DNAH2: variants seen among roughly 807,000 people sequenced by gnomAD.
DNAH2 encodes the protein dynein axonemal heavy chain 2.
Under a neutral mutation model 523.5 loss-of-function variants are expected in DNAH2, and 323 were observed. The observed-to-expected ratio is 0.62, with a 90% confidence interval of 0.56 to 0.68. DNAH2 has a LOEUF of 0.68. Among genes scored for constraint, DNAH2 ranks in the 30% least tolerant of loss-of-function variants. DNAH2 has a pLI of 0.00. For missense variants in DNAH2, 4,907 were observed against 5,701.5 expected, an observed-to-expected ratio of 0.86 and a Z score of 4.49; for synonymous variants, 2,093 against 2,177.4, an observed-to-expected ratio of 0.96 and a Z score of 1.08.
Position 7,776,841 on chromosome 17 carries a change from G to A in DNAH2, c.5010G>A (p.Ala1670=), listed in dbSNP as rs62059684. ...ATGTCACCAAGTGCCTGCTGACAGC[G>A]AAGGAGCGGGCAGACAAGAAAATCC... ...TADVTKCLLT[A]KERADKKILK... Residue 1670 remains alanine, a synonymous_variant, in exon 32 of 86, where the codon GCG becomes GCA. Transcript: ENST00000572933. 0.29 allele frequency: 474,940 copies of A among 1,612,050 alleles called. 77,694 individuals carry two copies. The highest frequency in any genetic ancestry group is 0.34 in the Non-Finnish European group (398,615 of 1,178,682).
rs746422548 is a variant in DNAH2 at position 7,816,553 on chromosome 17, T to C, written c.9730-18T>C. ...TGCGAGCCCTGTGTTTGATGCGCTATACTCGAATCTCTCCCAGGTAGCTGA... is the reference window on the plus strand; with the variant it reads ...TGCGAGCCCTGTGTTTGATGCGCTACACTCGAATCTCTCCCAGGTAGCTGA... On this transcript the variant is annotated intron_variant, in intron 63 of 85. Transcript: ENST00000572933. The C allele has an allele frequency of 1.2e-6, 2 of 1,614,090 alleles. No homozygotes were observed. The highest frequency in any genetic ancestry group is 1.7e-5 in the Admixed American group (1 of 60,020).
In DNAH2 at chr17:7,797,482, GA is replaced by G; in HGVS notation, c.8033del (p.Asp2678AlafsTer20). 6.2e-7 allele frequency: 1 copy of G among 1,614,108 alleles called. No homozygotes were observed. Among genetic ancestry groups the G allele is most frequent in the South Asian group, 1.1e-5 (1 of 91,068 alleles). On this transcript the variant is annotated frameshift_variant, in exon 52 of 86. Coordinates refer to ENST00000572933, the MANE Select transcript of DNAH2 (RefSeq NM_020877.5). LOFTEE classifies it high-confidence loss of function. ...IISDKLGSFF[D>X]LTFHHLCPSK... ...AAGCGACAAGCTCGGCTCCTTCTTT[GA>G]CCTCACATTTCATCATCTCTGTCCC...
Position 7,818,955 on chromosome 17 carries a change from T to C in DNAH2, c.10707T>C (p.Asp3569=), listed in dbSNP as rs1416181118. 6.2e-7 allele frequency: 1 copy of C among 1,612,624 alleles called. No individual in the cohort carries two copies. Among genetic ancestry groups the C allele is most frequent in the Non-Finnish European group, 8.5e-7 (1 of 1,179,900 alleles). ...LNEATGSLLD[D]VQLVNTLHTS... Reference sequence around the variant, plus strand: ...AGGCCACCGGCTCCCTGCTGGATGATGTGCAGCTGGTGAACACGCTGCATA... The same window carrying C: ...AGGCCACCGGCTCCCTGCTGGATGACGTGCAGCTGGTGAACACGCTGCATA... The change falls in exon 71 of 86, where the codon GAT becomes GAC. Residue 3569 remains aspartate (D), a synonymous_variant. Transcript: ENST00000572933.
chr17:7,748,160 A>G (rs907474875), intron 12 of DNAH2, among the ~76,000 whole-genome samples: 2 of 152,174 alleles, frequency 1.3e-5, no homozygotes, highest in Admixed American at 1.3e-4. Flanking sequence ...GGCTTTTATC[A>G]CGTTTTACGG....
Position 7,807,049 on chromosome 17 carries a change from C to A in DNAH2, c.9443-101C>A, listed in dbSNP as rs2077385198. 1.4e-6 allele frequency: 2 copies of A among 1,432,830 alleles called. No homozygotes were observed. Among genetic ancestry groups the A allele is most frequent in the East Asian group, 4.6e-5 (2 of 43,616 alleles). The allele number at this position is 1,432,830 out of a possible 1,614,324, so 88.8% of individuals were successfully genotyped here. A position where few individuals can be genotyped will look rare whatever the true frequency, so the allele number is the denominator to read the frequency against. On this transcript the variant is annotated intron_variant, in intron 61 of 85. Coordinates refer to ENST00000572933, the MANE Select transcript of DNAH2 (RefSeq NM_020877.5). This position sits in a 1 kb window ranked among gnomAD's most constrained non-coding sequence, Gnocchi z 5.6. ...GATAATTTGGCCTTAGGAACTGAGC[C>A]CAGGAAAAATGTGGCTATGCGTGAG...
At position 7,817,319 on chromosome 17, in the gene DNAH2, G is replaced by C. The variant is rs913802277; in HGVS notation, c.9924G>C (p.Val3308=). 5.6e-6 allele frequency: 9 copies of C among 1,606,618 alleles called. No individual in the cohort carries two copies. Among genetic ancestry groups the C allele is most frequent in the African/African-American group, 5.4e-5 (4 of 74,382 alleles). The change falls in exon 65 of 86, where the codon GTG becomes GTC. Residue 3308 remains valine (V), a synonymous_variant. Transcript: ENST00000572933. ...QGLEEDLGYL[V]GDCLLAAAFL... is the part of the protein sequence containing the mutation. ...TGGAGGAGGACCTGGGCTACCTGGT[G>C]GGGGACTGTCTCCTGGCAGCTGCCT...
intron 79 of DNAH2, 110 bp from the exon 80 acceptor site, chr17:7,830,976 G>A: frequency 6.6e-7 from 1 of 1,506,376 alleles, no homozygotes; most frequent in East Asian, 2.3e-5. Context: ...TTGAGATGGG[G>A]AGCAGGGCAG....
At chr17:7,732,321 G>C (rs1369477195) in intron 4 of DNAH2, among the ~76,000 whole-genome samples, 1 of 150,630 alleles carries the variant, frequency 6.6e-6, no homozygotes, top group African/African-American at 2.4e-5. Flanking sequence ...TGTAATCCCA[G>C]ATACTCGGGA....
chr17:7,823,490 G>A lies in DNAH2; in HGVS notation c.11191G>A (p.Ala3731Thr), dbSNP rs762955355. Residue 3731 changes from alanine (A) to threonine (T), a missense_variant, in exon 74 of 86, where the codon GCA (alanine) becomes ACA (threonine). Coordinates refer to ENST00000572933, the MANE Select transcript of DNAH2 (RefSeq NM_020877.5). ...GGACAATCCATGTAGTAGCTGGCTT[G>A]CAGATGCCTACTGGGATAACATCAC... Reference protein sequence around the residue: ...QMDNPCSSWLADAYWDNITEL... With the variant: ...QMDNPCSSWLTDAYWDNITEL... The A allele has an allele frequency of 1.2e-6, 2 of 1,614,112 alleles. No homozygotes were observed. Among genetic ancestry groups the A allele is most frequent in the South Asian group, 1.1e-5 (1 of 91,062 alleles).
chr17:7,772,767 TG>T (rs2076352583), intron 28 of DNAH2, among the ~76,000 whole-genome samples: 1 of 152,106 alleles, frequency 6.6e-6, no homozygotes, highest in Non-Finnish European at 1.5e-5. Flanking sequence ...TTTGTTTGTT[TG>T]TTTGTTTGTT....
intron 4 of DNAH2, among the ~76,000 whole-genome samples, 163 bp downstream of exon 4, chr17:7,727,455 G>T (rs912540087): frequency 6.6e-6 from 1 of 152,102 alleles, no homozygotes; most frequent in Non-Finnish European, 1.5e-5. Flanking sequence ...GAAGGATGAC[G>T]CAAGAACGCT....
intron 4 of DNAH2, among the ~76,000 whole-genome samples, chr17:7,732,472 T>G (rs1161968972): frequency 6.2e-5 from 9 of 145,214 alleles, no homozygotes; most frequent in African/African-American, 2.3e-4. Flanking sequence ...CCAAGACTAG[T>G]CAAAAAAGCA....
At chr17:7,738,104 G>A in intron 8 of DNAH2, 1 of 703,518 alleles carries the variant, frequency 1.4e-6, no homozygotes, top group Non-Finnish European at 2.6e-6. Flanking sequence ...CGTACAGGCT[G>A]TGCAGATGCA....
At chr17:7,758,699 A>G in intron 14 of DNAH2, 48 bp downstream of exon 14, 1 of 1,584,510 alleles carries the variant, frequency 6.3e-7, no homozygotes, top group Non-Finnish European at 8.6e-7. Context: ...CTGATGGGTC[A>G]TTTATACCTG....
At chr17:7,778,214 T>TG in intron 34 of DNAH2, 34 bp downstream of exon 34, 3 of 1,612,910 alleles carry the variant, frequency 1.9e-6, no homozygotes, top group Middle Eastern at 1.7e-4. Flanking sequence ...GTGGCTGGGG[T>TG]GGGGGGCAGC....
chr17:7,777,388 G>A, intron 32 of DNAH2, 58 bp from the exon 33 acceptor site: 1 of 1,595,504 alleles, frequency 6.3e-7, no homozygotes, highest in Non-Finnish European at 8.6e-7. Flanking sequence ...GGCAAGGGTT[G>A]ATCAGGCTTT....
In DNAH2 at chr17:7,833,735, GACA is replaced by G. The variant is rs1299013557; in HGVS notation, c.*207_*209del. On this transcript the variant is annotated 3_prime_UTR_variant, in exon 86 of 86. Coordinates refer to ENST00000572933, the MANE Select transcript of DNAH2 (RefSeq NM_020877.5). ...GAGCTCAGTGCTGTAAAACACCCGC[GACA>G]ACAAGCCTTAAGTCTCTCAATGCAA... 1.4e-6 allele frequency: 1 copy of G among 739,002 alleles called. No homozygotes were observed. 45.8% of individuals were successfully genotyped at this position (739,002 alleles called of 1,614,324 possible).
At chr17:7,763,324 A>G (rs966804297) in intron 18 of DNAH2, among the ~76,000 whole-genome samples, 4 of 152,014 alleles carry the variant, frequency 2.6e-5, no homozygotes, top group African/African-American at 9.7e-5. Flanking sequence ...GCACTTGGCT[A>G]ATTTTTTGTA....
chr17:7,733,475 CTTTTTT>C (rs1199721840), intron 5 of DNAH2, among the ~76,000 whole-genome samples, 160 bp downstream of exon 5: 1 of 113,862 alleles, frequency 8.8e-6, no homozygotes, highest in African/African-American at 3.2e-5. Context: ...CCTTCTTCTT[CTTTTTT>C]TTTTTTTTTT....
Sources: allele counts gnomAD v4.1 joint callset (sites outside exome capture counted in the v4.1 genomes callset), GRCh38; gene constraint gnomAD v4.1.1; non-coding constraint Gnocchi (gnomAD v3.1); transcripts MANE v1.5; gene names NCBI Gene and HGNC (gene_info 2026-07-23, HGNC 2026-07-21).